CHST9: variants seen among roughly 807,000 people sequenced by gnomAD.
CHST9 encodes the protein carbohydrate sulfotransferase 9.
In CHST9, 41 loss-of-function variants were observed where a neutral mutation model predicts 44.4. The observed-to-expected ratio is 0.92, with a 90% CI of 0.72 to 1.20. CHST9 has a LOEUF of 1.20. CHST9 is among the 50% of genes most tolerant of loss of function. The pLI, the probability that CHST9 is intolerant of heterozygous loss-of-function variation, is 0.00. For missense variants in CHST9, 504 were observed against 516.5 expected, an observed-to-expected ratio of 0.98 and a Z score of 0.23; for synonymous variants, 171 against 178.4, an observed-to-expected ratio of 0.96 and a Z score of 0.33.
intron 3 of CHST9, among the ~76,000 whole-genome samples, chr18:27,045,617 C>A (rs967145907): frequency 6.6e-6 from 1 of 151,922 alleles, no homozygotes; most frequent in African/African-American, 2.4e-5. Flanking sequence ...CTTTACCAAG[C>A]CAAATCGCCA....
chr18:26,966,344 G>A (rs781511267), intron 4 of CHST9, among the ~76,000 whole-genome samples: 1 of 152,136 alleles, frequency 6.6e-6, no homozygotes, highest in Non-Finnish European at 1.5e-5. Context: ...CACAGCAAAA[G>A]CGAGTTAAAG....
chr18:27,078,850 C>T (rs1267594002), intron 2 of CHST9, among the ~76,000 whole-genome samples: 1 of 152,162 alleles, frequency 6.6e-6, no homozygotes, highest in Non-Finnish European at 1.5e-5. Context: ...CATCAAAGTG[C>T]CATAAATATT....
At chr18:26,971,677 G>A (rs2056544615) in intron 4 of CHST9, among the ~76,000 whole-genome samples, 1 of 152,216 alleles carries the variant, frequency 6.6e-6, no homozygotes, top group African/African-American at 2.4e-5. Flanking sequence ...GCTGCAAAGA[G>A]CTCTGCCCGC....
At chr18:27,174,654 A>G (rs2058855082) in intron 1 of CHST9, among the ~76,000 whole-genome samples, 1 of 151,966 alleles carries the variant, frequency 6.6e-6, no homozygotes. Flanking sequence ...GGTGGTTGCA[A>G]AAATGTGGCT....
intron 4 of CHST9, among the ~76,000 whole-genome samples, chr18:26,978,369 G>A (rs1266610952): frequency 2.0e-5 from 3 of 151,918 alleles, no homozygotes; most frequent in African/African-American, 7.3e-5. Context: ...TTTAGGACTT[G>A]TATATTTATT....
intron 1 of CHST9, among the ~76,000 whole-genome samples, chr18:27,159,519 G>A (rs956161972): frequency 2.4e-4 from 36 of 152,280 alleles, no homozygotes; most frequent in Middle Eastern, 3.4e-3. Flanking sequence ...TAGCCTTGTA[G>A]TATAGTTTGA....
chr18:27,066,907 C>G (rs1209074542), intron 2 of CHST9, among the ~76,000 whole-genome samples: 3 of 152,074 alleles, frequency 2.0e-5, no homozygotes, highest in Non-Finnish European at 4.4e-5. Context: ...CAGTAAATAT[C>G]TTTGTCTTAC....
chr18:27,160,863 A>G (rs1041645655), intron 1 of CHST9, among the ~76,000 whole-genome samples: 12 of 152,204 alleles, frequency 7.9e-5, no homozygotes, highest in African/African-American at 2.9e-4. Context: ...CCAGGAATGT[A>G]TCCATTTCTT....
At chr18:27,111,979 C>A (rs2058274585) in intron 2 of CHST9, among the ~76,000 whole-genome samples, 1 of 151,998 alleles carries the variant, frequency 6.6e-6, no homozygotes, top group Non-Finnish European at 1.5e-5. Flanking sequence ...CTCCAGCTTA[C>A]AGATGGCAGA....
chr18:27,056,078 T>A (rs1310359145), intron 2 of CHST9, among the ~76,000 whole-genome samples: 2 of 152,192 alleles, frequency 1.3e-5, no homozygotes, highest in Non-Finnish European at 2.9e-5. Flanking sequence ...TTTTTATTAG[T>A]CAATTATTGT....
At chr18:27,130,483 T>G (rs2058462306) in intron 2 of CHST9, among the ~76,000 whole-genome samples, 2 of 152,238 alleles carry the variant, frequency 1.3e-5, no homozygotes, top group African/African-American at 4.8e-5. Context: ...GAATTATCAT[T>G]GAACACTTCT....
At chr18:27,147,173 T>C (rs1489182362) in intron 1 of CHST9, among the ~76,000 whole-genome samples, 1 of 152,158 alleles carries the variant, frequency 6.6e-6, no homozygotes, top group Non-Finnish European at 1.5e-5. Context: ...CAAGGGATTC[T>C]CCTGCCTCAG....
At chr18:27,100,134 A>G (rs1265372595) in intron 2 of CHST9, among the ~76,000 whole-genome samples, 1 of 152,170 alleles carries the variant, frequency 6.6e-6, no homozygotes, top group African/African-American at 2.4e-5. Flanking sequence ...GGAAACAATT[A>G]TTCTAAGCGA....
Position 26,916,734 on chromosome 18 carries a change from A to C in CHST9, c.857T>G (p.Leu286Ter). The change falls in exon 6 of 6, where the codon TTA (leucine) becomes TGA (stop). Residue 286 changes from leucine (L) to a stop codon, truncating the protein, a stop_gained. Transcript: ENST00000618847. LOFTEE classifies it high-confidence loss of function. ...AAATTTGTCCCTAAAGGCTGATACT[A>C]ATCTTTCCATGGGATCACGAACAAA... ...AVFVRDPMER[L>*]VSAFRDKFEH... The C allele has an allele frequency of 6.2e-7, 1 of 1,613,904 alleles. No homozygotes were observed. The highest frequency in any genetic ancestry group is 8.5e-7 in the Non-Finnish European group (1 of 1,179,830).
chr18:27,169,858 C>T (rs368168038), intron 1 of CHST9, among the ~76,000 whole-genome samples: 2 of 152,116 alleles, frequency 1.3e-5, no homozygotes, highest in Non-Finnish European at 2.9e-5. Context: ...CCTCCCGCCT[C>T]GGCCTCCCAA....
At chr18:27,035,890 T>C (rs915604404) in intron 3 of CHST9, among the ~76,000 whole-genome samples, 5 of 152,044 alleles carry the variant, frequency 3.3e-5, no homozygotes, top group African/African-American at 1.2e-4. Flanking sequence ...CACACACACA[T>C]GCAAAAGGTA....
At chr18:26,992,887 A>G (rs2056840557) in intron 4 of CHST9, among the ~76,000 whole-genome samples, 2 of 152,246 alleles carry the variant, frequency 1.3e-5, no homozygotes, top group African/African-American at 2.4e-5. Flanking sequence ...TATACCCTGT[A>G]AATCCACTGT....
At chr18:26,942,888 T>A (rs2056105004) in intron 5 of CHST9, among the ~76,000 whole-genome samples, 1 of 152,086 alleles carries the variant, frequency 6.6e-6, no homozygotes, top group Non-Finnish European at 1.5e-5. Context: ...GGCAGGCAGA[T>A]CATGAGGTCA....
In CHST9 at chr18:27,043,182, T is replaced by G. The variant is rs139355608; in HGVS notation, c.160+5283A>C. The stretch of plus-strand genomic sequence containing the variant: ...GTGTTCTTTGTTAATGTTGGGGATG[T>G]TCTAAGGATTCAGCCTTGCCTTGTC... On this transcript the variant is annotated intron_variant, in intron 3 of 5. Transcript: ENST00000618847. Among the ~76,000 whole-genome samples, 535 of 152,148 alleles carry G rather than the reference T, an allele frequency of 3.5e-3. 2 individuals are homozygous for G. The highest frequency in any genetic ancestry group is 0.012 in the African/African-American group (518 of 41,536).
Sources: gnomAD v4.1 joint callset for allele counts (sites outside exome capture counted in the v4.1 genomes callset) on GRCh38, gnomAD v4.1.1 for gene constraint, MANE v1.5 for transcripts, NCBI Gene and HGNC (gene_info 2026-07-23, HGNC 2026-07-21) for gene names.